KIRREL3: variants seen among roughly 807,000 people sequenced by gnomAD.
The protein encoded by KIRREL3 is kirre like nephrin family adhesion molecule 3, also known as kin of IRRE-like protein 3.
A neutral mutation model predicts 89.7 loss-of-function variants in KIRREL3; 36 were observed. That is an observed-to-expected ratio of 0.40 (90% CI 0.31 to 0.53). The LOEUF is 0.53. Among genes scored for constraint, KIRREL3 ranks in the 20% least tolerant of loss-of-function variants. The pLI, the probability that KIRREL3 is intolerant of heterozygous loss-of-function variation, is 0.49. For missense variants in KIRREL3, 864 were observed against 1,056.6 expected (o/e 0.82, Z 2.53); for synonymous variants, 445 against 441.4 (o/e 1.01, Z -0.10).
chr11:126,508,904 C>T lies in KIRREL3; in HGVS notation c.433+12411G>A, dbSNP rs759553715. Among the ~76,000 whole-genome samples the T allele has an allele frequency of 4.6e-5, 7 of 152,142 alleles. No individual in the cohort carries two copies. Among genetic ancestry groups the T allele is most frequent in the Non-Finnish European group, 8.8e-5 (6 of 68,034 alleles). On this transcript the variant is annotated intron_variant, in intron 4 of 16. Coordinates refer to ENST00000525144, the MANE Select transcript of KIRREL3 (RefSeq NM_032531.4). This position sits in a 1 kb window ranked among gnomAD's most constrained non-coding sequence, Gnocchi z 4.9. ...GGCAGCTCACCAGCGTCACCCTTGC[C>T]CTTCTCTCTTCTCTCCACTCGAGCA...
chr11:126,448,968 G>A (rs760138612), intron 8 of KIRREL3, 41 bp downstream of exon 8: 2 of 1,562,334 alleles, frequency 1.3e-6, no homozygotes, highest in Non-Finnish European at 1.7e-6. Flanking sequence ...GAAACCAGTG[G>A]ATGCCTGCTC....
chr11:126,598,892 T>C (rs934829335), intron 1 of KIRREL3, among the ~76,000 whole-genome samples: 1 of 152,346 alleles, frequency 6.6e-6, no homozygotes, highest in Non-Finnish European at 1.5e-5. Flanking sequence ...CTTCCTAGAA[T>C]GTTCTCAACC....
rs1939805213 is a variant in KIRREL3, at chr11:126,557,690, A to G, written c.133+5145T>C. 6.6e-6 allele frequency among the ~76,000 whole-genome samples: 1 copy of G among 152,238 alleles called. No homozygotes were observed. Among genetic ancestry groups the G allele is most frequent in the Non-Finnish European group, 1.5e-5 (1 of 68,040 alleles). ...ATAAAGAACAGGCTCTCACGCCATC[A>G]TAAAGAACTTTAGAGCTGTCGAAGA... On this transcript the variant is annotated intron_variant, in intron 2 of 16. Transcript: ENST00000525144. The surrounding 1 kb of genome is among the most constrained non-coding windows in gnomAD (Gnocchi z 5.6).
At chr11:126,503,302 T>C (rs559647504) in intron 4 of KIRREL3, among the ~76,000 whole-genome samples, 83 of 152,114 alleles carry the variant, frequency 5.5e-4, no homozygotes, top group Non-Finnish European at 1.1e-3. Flanking sequence ...CAGGTGGCTG[T>C]TAAGGTGGAT....
At chr11:126,846,667 A>AAAACG (rs1287437267) in intron 1 of KIRREL3, among the ~76,000 whole-genome samples, 1 of 151,850 alleles carries the variant, frequency 6.6e-6, no homozygotes, top group Non-Finnish European at 1.5e-5. Flanking sequence ...AAAACAAAAC[A>AAAACG]AAACAAAACA....
intron 1 of KIRREL3, among the ~76,000 whole-genome samples, chr11:126,865,932 G>A (rs1305185528): frequency 6.6e-6 from 1 of 151,494 alleles, no homozygotes; most frequent in Admixed American, 6.6e-5. Flanking sequence ...CCGAGTTTCC[G>A]GCTGCCTCCT....
At position 126,441,958 on chromosome 11, in the gene KIRREL3, A is replaced by G. The variant is rs1045582959; in HGVS notation, c.1253-1409T>C. Among the ~76,000 whole-genome samples the G allele has an allele frequency of 4.6e-5, 7 of 152,080 alleles. No individual in the cohort carries two copies. The highest frequency in any genetic ancestry group is 1.7e-4 in the African/African-American group (7 of 41,420). ...GGATGGTGCTTTGTTTTATTGCTGGACTAAAACGTGATGATAATATAAAAC... is the reference window on the plus strand; with the variant it reads ...GGATGGTGCTTTGTTTTATTGCTGGGCTAAAACGTGATGATAATATAAAAC... On this transcript the variant is annotated intron_variant, in intron 10 of 16. Transcript: ENST00000525144. This position sits in a 1 kb window ranked among gnomAD's most constrained non-coding sequence, Gnocchi z 5.0.
Position 126,923,262 on chromosome 11 carries a change from TTCTTCTCCTTCTCC to T in KIRREL3, c.55+77179_55+77192del, listed in dbSNP as rs755048762. On this transcript the variant is annotated intron_variant, in intron 1 of 16. Transcript: ENST00000525144. ...CTTCTTCTTCTTCTTCTTCTTCTTC[TTCTTCTCCTTCTCC>T]TTCTCCTTCTCCTTCTCCTTCTTCC... 6.7e-4 allele frequency among the ~76,000 whole-genome samples: 68 copies of T among 102,218 alleles called. 10 individuals are homozygous for T. The highest frequency in any genetic ancestry group is 7.9e-4 in the African/African-American group (18 of 22,746). 67.1% of individuals were successfully genotyped at this position (102,218 alleles called of 152,430 possible).
chr11:126,825,898 T>C (rs1565330218), intron 1 of KIRREL3, among the ~76,000 whole-genome samples: 2 of 152,182 alleles, frequency 1.3e-5, no homozygotes, highest in Non-Finnish European at 2.9e-5. Flanking sequence ...TCCTTTTCTC[T>C]CCAAGGGGGG....
rs1956487765 is a variant in KIRREL3 at position 126,459,857 on chromosome 11, G to A, written c.742+3300C>T. ...TGGCAGCTGGACACAGAGTCCAGAT[G>A]TGGTGAGGCTTTGGGGGTGTTAAGC... On this transcript the variant is annotated intron_variant, in intron 6 of 16. Coordinates refer to ENST00000525144, the MANE Select transcript of KIRREL3 (RefSeq NM_032531.4). This position sits in a 1 kb window ranked among gnomAD's most constrained non-coding sequence, Gnocchi z 4.8. Among the ~76,000 whole-genome samples, 1 of 152,212 alleles carries A rather than the reference G, an allele frequency of 6.6e-6. No homozygotes were observed. The highest frequency in any genetic ancestry group is 6.5e-5 in the Admixed American group (1 of 15,280).
At chr11:126,927,645 A>G (rs1050795469) in intron 1 of KIRREL3, among the ~76,000 whole-genome samples, 8 of 152,220 alleles carry the variant, frequency 5.3e-5, no homozygotes, top group African/African-American at 1.9e-4. Context: ...TAGAATAGAA[A>G]AGCAACGAAG....
intron 12 of KIRREL3, among the ~76,000 whole-genome samples, chr11:126,435,628 G>T (rs1264207725): frequency 6.6e-6 from 1 of 152,194 alleles, no homozygotes; most frequent in Non-Finnish European, 1.5e-5. Context: ...GACCAGGAAG[G>T]TTTGGGATGA....
At chr11:126,597,239 G>A (rs1260538467) in intron 1 of KIRREL3, among the ~76,000 whole-genome samples, 2 of 152,202 alleles carry the variant, frequency 1.3e-5, no homozygotes, top group South Asian at 4.1e-4. Context: ...TGGAGCCTGG[G>A]CCAGAGCCCG....
At chr11:126,632,634 C>T (rs1179099062) in intron 1 of KIRREL3, among the ~76,000 whole-genome samples, 3 of 43,368 alleles carry the variant, frequency 6.9e-5, no homozygotes, top group South Asian at 1.4e-3. Flanking sequence ...ACTCTCAGCA[C>T]GGAGCGTTTA....
rs1950159379 is a variant in KIRREL3 at position 126,995,550 on chromosome 11, A to G, written c.55+4905T>C. 2 of 345,004 alleles carry G rather than the reference A, an allele frequency of 5.8e-6. No individual in the cohort carries two copies. The highest frequency in any genetic ancestry group is 1.1e-5 in the Non-Finnish European group (2 of 176,370). The allele number at this position is 345,004 out of a possible 1,614,324, so 21.4% of individuals were successfully genotyped here. A position where few individuals can be genotyped will look rare whatever the true frequency, so the allele number is the denominator to read the frequency against. On this transcript the variant is annotated intron_variant, in intron 1 of 16. Coordinates refer to ENST00000525144, the MANE Select transcript of KIRREL3 (RefSeq NM_032531.4). This position sits in a 1 kb window ranked among gnomAD's most constrained non-coding sequence, Gnocchi z 6.5. The stretch of plus-strand genomic sequence containing the variant: ...CCCTCTAGCCCCCTTAGCATCCCCC[A>G]TCTATATCAAGACCATAAAACCAGT...
At position 126,791,874 on chromosome 11, in the gene KIRREL3, A is replaced by G. The variant is rs1314310153; in HGVS notation, c.55+208581T>C. 6.6e-6 allele frequency among the ~76,000 whole-genome samples: 1 copy of G among 151,564 alleles called. No homozygotes were observed. The highest frequency in any genetic ancestry group is 1.9e-4 in the East Asian group (1 of 5,192). On this transcript the variant is annotated intron_variant, in intron 1 of 16. Coordinates refer to ENST00000525144, the MANE Select transcript of KIRREL3 (RefSeq NM_032531.4). This position sits in a 1 kb window ranked among gnomAD's most constrained non-coding sequence, Gnocchi z 4.8. ...TGAGGTATGGGAATGTGGATGTAGC[A>G]TTGATTCACACTTGCTGTCTGCTGT...
At chr11:126,552,564 T>TTTC (rs1939364191) in intron 2 of KIRREL3, among the ~76,000 whole-genome samples, 1 of 81,340 alleles carries the variant, frequency 1.2e-5, no homozygotes, top group South Asian at 3.4e-4. Context: ...TTTTTTTTTT[T>TTTC]TTTTTTTTTT....
chr11:126,678,231 A>G (rs1240502013), intron 1 of KIRREL3, among the ~76,000 whole-genome samples: 1 of 152,118 alleles, frequency 6.6e-6, no homozygotes, highest in African/African-American at 2.4e-5. Context: ...CCCTTGCTAT[A>G]CAATTAAAAC....
At chr11:126,560,497 C>G (rs1370710013) in intron 2 of KIRREL3, among the ~76,000 whole-genome samples, 1 of 152,106 alleles carries the variant, frequency 6.6e-6, no homozygotes, top group Non-Finnish European at 1.5e-5. Flanking sequence ...TATGATAAAC[C>G]CCAGATCTAT....
Sources: allele counts gnomAD v4.1 joint callset (sites outside exome capture counted in the v4.1 genomes callset), GRCh38; gene constraint gnomAD v4.1.1; non-coding constraint Gnocchi (gnomAD v3.1); transcripts MANE v1.5; gene names NCBI Gene and HGNC (gene_info 2026-07-23, HGNC 2026-07-21).